Variants in LNX1 observed in about 807,000 individuals in gnomAD.
The protein encoded by LNX1 is E3 ubiquitin-protein ligase LNX.
In LNX1, 54 loss-of-function variants were observed where a neutral mutation model predicts 68.4. The observed-to-expected ratio is 0.79, with a 90% CI of 0.63 to 0.99. LNX1 has a LOEUF of 0.99. LNX1 is among the 50% of genes least tolerant of loss of function. The pLI, the probability that LNX1 is intolerant of heterozygous loss-of-function variation, is 0.00. For synonymous variants in LNX1, 336 were observed against 350.0 expected (o/e 0.96, Z 0.45); for missense variants, 906 against 926.4 (o/e 0.98, Z 0.29).
intron 2 of LNX1, among the ~76,000 whole-genome samples, chr4:53,568,174 C>G (rs1467334403): frequency 6.6e-6 from 1 of 152,042 alleles, no homozygotes; most frequent in East Asian, 1.9e-4. Flanking sequence ...GATACCAAAG[C>G]CGGGCAGAGA....
At chr4:53,609,130 A>T (rs1028868881) in intron 2 of LNX1, among the ~76,000 whole-genome samples, 1 of 152,198 alleles carries the variant, frequency 6.6e-6, no homozygotes, top group Admixed American at 6.5e-5. Context: ...CTGATGCTCA[A>T]CAAAGTTGAC....
chr4:53,485,872 A>G (rs191690389), intron 6 of LNX1, among the ~76,000 whole-genome samples: 2 of 152,300 alleles, frequency 1.3e-5, no homozygotes, highest in Admixed American at 1.3e-4. Flanking sequence ...CACCTATGTG[A>G]TATGTACCAA....
intron 2 of LNX1, among the ~76,000 whole-genome samples, chr4:53,562,381 G>A (rs1434099308): frequency 1.3e-5 from 2 of 152,224 alleles, no homozygotes; most frequent in African/African-American, 4.8e-5. Context: ...AAGCATCTAA[G>A]AGGGCAGAAA....
chr4:53,472,727 CT>C (rs1162597082), intron 9 of LNX1, among the ~76,000 whole-genome samples: 13 of 144,012 alleles, frequency 9.0e-5, no homozygotes, highest in African/African-American at 3.1e-4. Context: ...GTAAAGGACT[CT>C]TTGCAATATA....
At chr4:53,553,267 T>G (rs1476888964) in intron 2 of LNX1, among the ~76,000 whole-genome samples, 2 of 151,686 alleles carry the variant, frequency 1.3e-5, no homozygotes, top group Non-Finnish European at 2.9e-5. Context: ...GAGTGAAGAG[T>G]TCTTAAACTG....
chr4:53,614,941 A>G (rs1314582193), intron 2 of LNX1, among the ~76,000 whole-genome samples: 4 of 151,840 alleles, frequency 2.6e-5, no homozygotes, highest in African/African-American at 4.8e-5. Context: ...TCTTCATCTT[A>G]TCCCAAGTTG....
chr4:53,540,382 G>A (rs556512478), intron 2 of LNX1, among the ~76,000 whole-genome samples: 17 of 149,086 alleles, frequency 1.1e-4, no homozygotes, highest in East Asian at 6.0e-4. Context: ...CCCTGTCCCC[G>A]CCTCCCCAGA....
intron 1 of LNX1, among the ~76,000 whole-genome samples, chr4:53,636,877 T>C (rs1375467059): frequency 6.6e-6 from 1 of 151,910 alleles, no homozygotes; most frequent in Non-Finnish European, 1.5e-5. Flanking sequence ...TCATGTTCTG[T>C]AGTTTAAAAC....
chr4:53,568,346 G>A (rs1379433461), intron 2 of LNX1, among the ~76,000 whole-genome samples: 9 of 151,360 alleles, frequency 5.9e-5, no homozygotes, highest in Non-Finnish European at 7.4e-5. Context: ...TTCAATATAC[G>A]CAAATCAATA....
chr4:53,541,532 C>A (rs1728765675), intron 2 of LNX1, among the ~76,000 whole-genome samples: 1 of 150,986 alleles, frequency 6.6e-6, no homozygotes, highest in Non-Finnish European at 1.5e-5. Context: ...TAGATTCTAA[C>A]CATTTATATC....
intron 6 of LNX1, among the ~76,000 whole-genome samples, chr4:53,490,697 G>C (rs1208235890): frequency 6.6e-6 from 1 of 152,206 alleles, no homozygotes; most frequent in Non-Finnish European, 1.5e-5. Flanking sequence ...TAAGGCAAAT[G>C]TGATTCACGG....
Position 53,470,310 on chromosome 4 carries a change from C to A in LNX1, c.1892+6443G>T, listed in dbSNP as rs145510342. 9.4e-4 allele frequency among the ~76,000 whole-genome samples: 143 copies of A among 152,208 alleles called. 2 individuals carry two copies. The highest frequency in any genetic ancestry group is 5.6e-3 in the Admixed American group (86 of 15,296). On this transcript the variant is annotated intron_variant, in intron 9 of 10. Transcript: ENST00000263925. ...CAACAACCTTCATGCTAAAAACTCT[C>A]AATAAATTAGGTATTGATGGGACGT...
At chr4:53,605,191 T>C (rs1368320761) in intron 2 of LNX1, among the ~76,000 whole-genome samples, 3 of 152,198 alleles carry the variant, frequency 2.0e-5, no homozygotes, top group East Asian at 1.9e-4. Flanking sequence ...CAAAGTCACA[T>C]TGAAGAGCAT....
At chr4:53,581,084 T>G (rs1731805350) in intron 1 of LNX1, among the ~76,000 whole-genome samples, 1 of 151,964 alleles carries the variant, frequency 6.6e-6, no homozygotes, top group Non-Finnish European at 1.5e-5. Context: ...GTGCTCCGTG[T>G]CCCCACCCCA....
intron 2 of LNX1, among the ~76,000 whole-genome samples, chr4:53,564,874 A>T (rs1244432246): frequency 3.3e-5 from 5 of 152,190 alleles, no homozygotes; most frequent in African/African-American, 9.7e-5. Context: ...TCCTAATCAA[A>T]GAAAGGGGTG....
chr4:53,529,930 G>A (rs1238929545), intron 2 of LNX1, among the ~76,000 whole-genome samples: 3 of 139,466 alleles, frequency 2.2e-5, no homozygotes, highest in Admixed American at 7.9e-5. Flanking sequence ...TGGGGCCTGC[G>A]GACAAAAATG....
intron 2 of LNX1, chr4:53,558,090 C>T: frequency 1.1e-5 from 17 of 1,494,200 alleles, no homozygotes; most frequent in Non-Finnish European, 1.4e-5. Flanking sequence ...AAGAATTTGA[C>T]TGAGAACCTT....
At chr4:53,526,615 T>C (rs1727628343) in intron 2 of LNX1, among the ~76,000 whole-genome samples, 2 of 151,662 alleles carry the variant, frequency 1.3e-5, no homozygotes, top group African/African-American at 2.4e-5. Flanking sequence ...TCAATGCCTT[T>C]CCATGTAATC....
chr4:53,544,653 T>C (rs1397804454), intron 2 of LNX1, among the ~76,000 whole-genome samples: 2 of 152,168 alleles, frequency 1.3e-5, no homozygotes, highest in African/African-American at 4.8e-5. Context: ...CATGCGAGAA[T>C]CTTTTCTAAA....
Sources: gnomAD v4.1 joint callset for allele counts (sites outside exome capture counted in the v4.1 genomes callset) on GRCh38, gnomAD v4.1.1 for gene constraint, MANE v1.5 for transcripts, NCBI Gene and HGNC (gene_info 2026-07-23, HGNC 2026-07-21) for gene names.